CDH2: variants seen among roughly 807,000 people sequenced by gnomAD.
CDH2 encodes cadherin 2, also known as cadherin-2.
A neutral mutation model predicts 92.0 loss-of-function variants in CDH2; 17 were observed. The observed-to-expected ratio is 0.18, with a 90% confidence interval of 0.13 to 0.28. CDH2 has a LOEUF of 0.28. Ranked by LOEUF, CDH2 falls within the 10% of genes least tolerant of loss-of-function variation. CDH2 has a pLI of 1.00. For missense variants in CDH2, 862 were observed against 1,133.1 expected (o/e 0.76, Z 3.44); for synonymous variants, 419 against 415.9 (o/e 1.01, Z -0.09).
chr18:27,963,633 A>G (rs1017604746), intron 14 of CDH2, 112 bp from the exon 15 acceptor site: 2 of 884,912 alleles, frequency 2.3e-6, no homozygotes, highest in South Asian at 1.7e-5. Context: ...AAAATTTAAC[A>G]TAATGGAAAA....
chr18:28,043,687 C>T (rs11564303), intron 2 of CDH2, among the ~76,000 whole-genome samples: 7,786 of 150,338 alleles, frequency 0.052, 696 homozygotes, highest in African/African-American at 0.18. Context: ...TTCTTATTAT[C>T]ATCCTCTTTG....
intron 1 of CDH2, among the ~76,000 whole-genome samples, chr18:28,149,431 T>A (rs1321426849): frequency 6.6e-6 from 1 of 151,922 alleles, no homozygotes; most frequent in African/African-American, 2.4e-5. Flanking sequence ...GTTCCATGTA[T>A]GATTAAGATA....
intron 15 of CDH2, among the ~76,000 whole-genome samples, chr18:27,962,318 G>C (rs1198209831): frequency 6.6e-6 from 1 of 152,132 alleles, no homozygotes; most frequent in Admixed American, 6.5e-5. Flanking sequence ...GTTCAGAAAG[G>C]CAGCATATAT....
rs2012194165 is a variant in CDH2, at chr18:27,985,302, T to C, written c.1976-69A>G. On this transcript the variant is annotated intron_variant, in intron 12 of 15. Coordinates refer to ENST00000269141, the MANE Select transcript of CDH2 (RefSeq NM_001792.5). ...AGCGATAAAAAAACACATAGCATTGTTCAGGATGTATTTACTACCTAATAG... is the reference window on the plus strand; with the variant it reads ...AGCGATAAAAAAACACATAGCATTGCTCAGGATGTATTTACTACCTAATAG... 5.4e-6 allele frequency: 5 copies of C among 928,502 alleles called. No individual in the cohort carries two copies. The South Asian group carries it at 7.5e-5, about 14-fold the overall frequency. The allele number at this position is 928,502 out of a possible 1,614,324, so 57.5% of individuals were successfully genotyped here.
chr18:28,136,269 C>T (rs2015859998), intron 2 of CDH2, among the ~76,000 whole-genome samples: 1 of 151,974 alleles, frequency 6.6e-6, no homozygotes, highest in African/African-American at 2.4e-5. Flanking sequence ...TCCTCTTTGC[C>T]AAAAATGTCT....
intron 2 of CDH2, among the ~76,000 whole-genome samples, chr18:28,102,221 T>C (rs2144234820): frequency 6.6e-6 from 1 of 152,286 alleles, no homozygotes; most frequent in South Asian, 2.1e-4. Context: ...AATCATGAGT[T>C]AATTTTAGTA....
rs186782357 is a variant in CDH2 at position 28,017,368 on chromosome 18, C to T, written c.173-3459G>A. ...GGTTGTATACTTCCAGGAATTTATC[C>T]GTCTCCTGTATATTTCATTGTTTAA... On this transcript the variant is annotated intron_variant, in intron 2 of 15. Coordinates refer to ENST00000269141, the MANE Select transcript of CDH2 (RefSeq NM_001792.5). Among the ~76,000 whole-genome samples, 653 of 152,066 alleles carry T rather than the reference C, an allele frequency of 4.3e-3. 1 individual carries two copies. The highest frequency in any genetic ancestry group is 7.2e-3 in the Non-Finnish European group (490 of 67,984).
intron 6 of CDH2, among the ~76,000 whole-genome samples, chr18:27,942,520 T>C (rs928921758): frequency 3.3e-5 from 5 of 152,198 alleles, no homozygotes; most frequent in Non-Finnish European, 5.9e-5. Context: ...TACCAGTCTG[T>C]ACCTCTGGCC....
At chr18:28,170,749 G>C (rs975057987) in intron 1 of CDH2, among the ~76,000 whole-genome samples, 1 of 152,144 alleles carries the variant, frequency 6.6e-6, no homozygotes, top group Non-Finnish European at 1.5e-5. Flanking sequence ...CCCTACAGCA[G>C]GGGTTATTAA....
chr18:28,131,582 C>A (rs567983754), intron 2 of CDH2, among the ~76,000 whole-genome samples: 1 of 151,702 alleles, frequency 6.6e-6, no homozygotes, highest in South Asian at 2.1e-4. Flanking sequence ...TATGAGAAAA[C>A]CAAAATATTA....
At chr18:28,022,316 T>C (rs2586574) in intron 2 of CDH2, among the ~76,000 whole-genome samples, 2,933 of 152,130 alleles carry the variant, frequency 0.019, 100 homozygotes, top group African/African-American at 0.068. Context: ...AAAAAGTCAT[T>C]CCATTTTCTT....
intron 1 of CDH2, among the ~76,000 whole-genome samples, chr18:28,158,345 T>G (rs985134003): frequency 5.3e-5 from 8 of 152,156 alleles, no homozygotes; most frequent in African/African-American, 1.9e-4. Flanking sequence ...AATAAAGAAA[T>G]AAATCTCCAA....
intron 2 of CDH2, among the ~76,000 whole-genome samples, chr18:28,121,245 T>C (rs1001865516): frequency 6.6e-6 from 1 of 152,110 alleles, no homozygotes; most frequent in African/African-American, 2.4e-5. Flanking sequence ...TGAGAAAACA[T>C]GTGATTGTTT....
intron 2 of CDH2, among the ~76,000 whole-genome samples, chr18:28,077,462 C>A (rs2014741986): frequency 6.6e-6 from 1 of 152,096 alleles, no homozygotes; most frequent in Admixed American, 6.5e-5. Flanking sequence ...ATATGTTAGA[C>A]CAAGGCATCT....
At chr18:28,169,318 C>A (rs1031714953) in intron 1 of CDH2, among the ~76,000 whole-genome samples, 4 of 152,028 alleles carry the variant, frequency 2.6e-5, no homozygotes, top group African/African-American at 9.7e-5. Flanking sequence ...ATCCTTACAA[C>A]CTTTAACGAA....
intron 14 of CDH2, among the ~76,000 whole-genome samples, chr18:27,976,208 T>C (rs1018153166): frequency 1.3e-5 from 2 of 152,178 alleles, no homozygotes; most frequent in African/African-American, 4.8e-5. Flanking sequence ...TGCCTAGAGC[T>C]TCTCTGCCTC....
intron 1 of CDH2, among the ~76,000 whole-genome samples, chr18:28,175,541 G>C (rs955707139): frequency 6.9e-6 from 1 of 145,806 alleles, no homozygotes; most frequent in South Asian, 2.1e-4. Context: ...GGCGGCCCAC[G>C]ACCGTCTAGG....
At chr18:28,064,531 G>C (rs936144462) in intron 2 of CDH2, among the ~76,000 whole-genome samples, 1 of 151,966 alleles carries the variant, frequency 6.6e-6, no homozygotes, top group East Asian at 1.9e-4. Flanking sequence ...GGAAATACAA[G>C]AGTGGCAAAA....
intron 2 of CDH2, among the ~76,000 whole-genome samples, chr18:28,051,789 T>C (rs2014196731): frequency 6.6e-6 from 1 of 152,116 alleles, no homozygotes; most frequent in Non-Finnish European, 1.5e-5. Flanking sequence ...AAGTGTACTG[T>C]TATATCTTTT....
Sources: allele counts gnomAD v4.1 joint callset (sites outside exome capture counted in the v4.1 genomes callset), GRCh38; gene constraint gnomAD v4.1.1; transcripts MANE v1.5; gene names NCBI Gene and HGNC (gene_info 2026-07-23, HGNC 2026-07-21).